Variants in ENOX1 observed in about 807,000 individuals in gnomAD.
ENOX1 encodes the protein candidate growth-related and time keeping constitutive hydroquinone (NADH) oxidase.
In ENOX1, 42 loss-of-function variants were observed where a neutral mutation model predicts 82.5. The ratio of observed to expected loss-of-function variants is 0.51; its 90% CI spans 0.40 to 0.66. ENOX1 has a LOEUF of 0.66. Among genes scored for constraint, ENOX1 ranks in the 30% least tolerant of loss-of-function variants. ENOX1 has a pLI of 0.00. For synonymous variants in ENOX1, 271 were observed against 282.2 expected (o/e 0.96, Z 0.40); for missense variants, 608 against 811.6 (o/e 0.75, Z 3.05).
At chr13:43,379,328 T>G (rs1370635310) in intron 5 of ENOX1, among the ~76,000 whole-genome samples, 2 of 151,786 alleles carry the variant, frequency 1.3e-5, no homozygotes, top group Non-Finnish European at 2.9e-5. Context: ...CCAATAATAA[T>G]GAGAAAAATA....
At chr13:43,677,850 T>C (rs1197138257) in intron 1 of ENOX1, among the ~76,000 whole-genome samples, 2 of 152,222 alleles carry the variant, frequency 1.3e-5, no homozygotes, top group African/African-American at 4.8e-5. Flanking sequence ...GTTTCTAGAA[T>C]ATACTATTAG....
intron 14 of ENOX1, among the ~76,000 whole-genome samples, chr13:43,252,957 G>A (rs900338281): frequency 6.6e-6 from 1 of 152,176 alleles, no homozygotes; most frequent in Non-Finnish European, 1.5e-5. Flanking sequence ...TTTGTTGTGG[G>A]AAATTTAAAC....
chr13:43,399,736 T>C (rs1251749824), intron 5 of ENOX1, among the ~76,000 whole-genome samples: 1 of 152,178 alleles, frequency 6.6e-6, no homozygotes, highest in Non-Finnish European at 1.5e-5. Flanking sequence ...ACCTAAGACC[T>C]CAGGCTCTAA....
intron 2 of ENOX1, among the ~76,000 whole-genome samples, chr13:43,635,318 T>C (rs2083373131): frequency 2.0e-5 from 3 of 152,006 alleles, no homozygotes; most frequent in Admixed American, 1.3e-4. Context: ...CAGAAGAGAG[T>C]AGGTAAGCAT....
chr13:43,322,360 G>T lies in ENOX1; in HGVS notation c.1261+24C>A, dbSNP rs200057918. Reference sequence around the variant, plus strand: ...GGAAGATCATTATGATACCTCATGGGTCTGTGGCAGTTATCGGCATTACCT... The same window carrying T: ...GGAAGATCATTATGATACCTCATGGTTCTGTGGCAGTTATCGGCATTACCT... On this transcript the variant is annotated intron_variant, in intron 11 of 16. Coordinates refer to ENST00000690772, the MANE Select transcript of ENOX1 (RefSeq NM_001347969.2). The T allele has an allele frequency of 3.2e-6, 5 of 1,564,746 alleles. No individual in the cohort carries two copies. The South Asian group carries it at 3.3e-5, about 10-fold the overall frequency.
At chr13:43,476,109 C>T (rs1472234464) in intron 3 of ENOX1, among the ~76,000 whole-genome samples, 1 of 152,076 alleles carries the variant, frequency 6.6e-6, no homozygotes, top group African/African-American at 2.4e-5. Context: ...AATATCTCTC[C>T]AAGTCAAATG....
chr13:43,531,014 AT>A (rs1464033237), intron 2 of ENOX1, among the ~76,000 whole-genome samples: 1 of 151,930 alleles, frequency 6.6e-6, no homozygotes, highest in Non-Finnish European at 1.5e-5. Context: ...GGGAAAACAA[AT>A]TGTCCTACTC....
intron 1 of ENOX1, among the ~76,000 whole-genome samples, chr13:43,744,242 T>C (rs1949906365): frequency 6.6e-6 from 1 of 152,128 alleles, no homozygotes; most frequent in African/African-American, 2.4e-5. Context: ...GGCTTTCTCA[T>C]ACTTTTCAGG....
At position 43,742,436 on chromosome 13, in the gene ENOX1, A is replaced by AGT. The variant is rs370442388; in HGVS notation, c.-285+44214_-285+44215dup. Among the ~76,000 whole-genome samples, 16 of 151,624 alleles carry AGT rather than the reference A, an allele frequency of 1.1e-4. No individual in the cohort carries two copies. In the East Asian group the frequency reaches 2.7e-3, roughly 26 times the overall value. On this transcript the variant is annotated intron_variant, in intron 1 of 16. Coordinates refer to ENST00000690772, the MANE Select transcript of ENOX1 (RefSeq NM_001347969.2). ...GAGAGAGACAGAGACAGAGAGAGAC[A>AGT]GTGTGTGTGTGTGAGTGTGAGAGTG...
Position 43,303,427 on chromosome 13 carries a change from G to A in ENOX1, c.1262-4897C>T, listed in dbSNP as rs368291370. On this transcript the variant is annotated intron_variant, in intron 11 of 16. Transcript: ENST00000690772. ...TATTCTGTGGCAGAGACATTATCAC[G>A]CTGTGTACTCAAACTCATGCTTCTC... Among the ~76,000 whole-genome samples, 18 of 152,290 alleles carry A rather than the reference G, an allele frequency of 1.2e-4. 1 individual carries two copies. The East Asian group carries it at 1.4e-3, about 11-fold the overall frequency.
intron 2 of ENOX1, among the ~76,000 whole-genome samples, chr13:43,542,030 G>A (rs566445166): frequency 2.4e-4 from 36 of 152,276 alleles, no homozygotes; most frequent in Non-Finnish European, 4.7e-4. Context: ...AATCCCCTCA[G>A]CAATCAATCT....
chr13:43,390,078 C>T (rs2052678266), intron 5 of ENOX1, among the ~76,000 whole-genome samples: 1 of 152,154 alleles, frequency 6.6e-6, no homozygotes, highest in African/African-American at 2.4e-5. Context: ...GTTGTATATA[C>T]TTGGAGAACA....
chr13:43,650,084 A>G (rs1184867101), intron 2 of ENOX1, among the ~76,000 whole-genome samples: 1 of 152,218 alleles, frequency 6.6e-6, no homozygotes, highest in Non-Finnish European at 1.5e-5. Flanking sequence ...TACAGCACAA[A>G]GAATGGGGTG....
chr13:43,516,599 A>C (rs1423750870), intron 2 of ENOX1, among the ~76,000 whole-genome samples: 1 of 152,188 alleles, frequency 6.6e-6, no homozygotes, highest in Non-Finnish European at 1.5e-5. Context: ...ATTCTTTTGC[A>C]CAAGAACATA....
intron 12 of ENOX1, among the ~76,000 whole-genome samples, chr13:43,285,719 A>G (rs1429657419): frequency 4.0e-5 from 6 of 149,122 alleles, no homozygotes; most frequent in African/African-American, 9.8e-5. Context: ...GCAGGAGAAT[A>G]GAATAGCTTG....
intron 5 of ENOX1, among the ~76,000 whole-genome samples, chr13:43,365,103 G>A (rs759993126): frequency 6.6e-6 from 1 of 152,274 alleles, no homozygotes; most frequent in African/African-American, 2.4e-5. Context: ...TGCCTGGGCC[G>A]CCCTTCCTCA....
intron 5 of ENOX1, among the ~76,000 whole-genome samples, chr13:43,382,436 C>A (rs1364950314): frequency 6.6e-6 from 1 of 152,106 alleles, no homozygotes; most frequent in Non-Finnish European, 1.5e-5. Flanking sequence ...GCAAGGATAT[C>A]CACTCTATTT....
intron 12 of ENOX1, among the ~76,000 whole-genome samples, chr13:43,271,109 C>T (rs1012555756): frequency 3.3e-5 from 5 of 152,146 alleles, no homozygotes; most frequent in African/African-American, 1.2e-4. Flanking sequence ...ATTTCAAATC[C>T]AATCCTTAAA....
intron 5 of ENOX1, among the ~76,000 whole-genome samples, chr13:43,372,139 A>G (rs976759261): frequency 2.6e-5 from 4 of 152,226 alleles, no homozygotes; most frequent in Non-Finnish European, 4.4e-5. Context: ...ATGTCACAAC[A>G]TAAATTCATA....
Sources: allele counts gnomAD v4.1 joint callset (sites outside exome capture counted in the v4.1 genomes callset), GRCh38; gene constraint gnomAD v4.1.1; transcripts MANE v1.5; gene names NCBI Gene and HGNC (gene_info 2026-07-23, HGNC 2026-07-21).